Variants in FYN observed in about 807,000 individuals in gnomAD.
FYN encodes the protein tyrosine-protein kinase Fyn.
A neutral mutation model predicts 70.2 loss-of-function variants in FYN; 10 were observed. That is an observed-to-expected ratio of 0.14 (90% CI 0.09 to 0.24). The LOEUF is 0.24. Ranked by LOEUF, FYN falls within the 10% of genes least tolerant of loss-of-function variation. FYN has a pLI of 1.00. For missense variants in FYN, 319 were observed against 673.1 expected (o/e 0.47, Z 5.82); for synonymous variants, 236 against 248.6 (o/e 0.95, Z 0.48).
chr6:111,827,204 C>T (rs1287755473), intron 2 of FYN, among the ~76,000 whole-genome samples: 2 of 152,166 alleles, frequency 1.3e-5, no homozygotes, highest in Non-Finnish European at 2.9e-5. Context: ...GGATCAGTAG[C>T]AGCTTTCATC....
chr6:111,738,035 T>C (rs985049202), intron 3 of FYN, among the ~76,000 whole-genome samples: 4 of 152,182 alleles, frequency 2.6e-5, no homozygotes, highest in African/African-American at 9.7e-5. Flanking sequence ...ACAACACCCA[T>C]CATGAACTGT....
intron 2 of FYN, among the ~76,000 whole-genome samples, chr6:111,807,096 T>TACTC (rs1772173945): frequency 6.6e-6 from 1 of 152,240 alleles, no homozygotes; most frequent in African/African-American, 2.4e-5. Context: ...AGGGACAGAC[T>TACTC]ACTCATTTCA....
intron 3 of FYN, among the ~76,000 whole-genome samples, chr6:111,768,869 C>G (rs965945033): frequency 6.6e-6 from 1 of 152,118 alleles, no homozygotes; most frequent in Non-Finnish European, 1.5e-5. Flanking sequence ...AATACAGCTG[C>G]TAAATGACAT....
At chr6:111,737,868 T>G (rs781359556) in intron 3 of FYN, among the ~76,000 whole-genome samples, 16 of 152,208 alleles carry the variant, frequency 1.1e-4, no homozygotes, top group Non-Finnish European at 1.6e-4. Flanking sequence ...AAATATACAC[T>G]TCACAATATC....
chr6:111,751,378 C>A (rs1393540486), intron 3 of FYN, among the ~76,000 whole-genome samples: 1 of 152,120 alleles, frequency 6.6e-6, no homozygotes, highest in African/African-American at 2.4e-5. Context: ...GGTAGAATGG[C>A]CATTTTGTCC....
intron 12 of FYN, among the ~76,000 whole-genome samples, chr6:111,689,516 GC>G (rs1334344492): frequency 6.6e-6 from 1 of 152,162 alleles, no homozygotes; most frequent in South Asian, 2.1e-4. Context: ...ATTTATAATG[GC>G]CCCAATTTGG....
intron 13 of FYN, among the ~76,000 whole-genome samples, chr6:111,663,655 C>T (rs979883202): frequency 1.3e-5 from 2 of 152,202 alleles, no homozygotes; most frequent in African/African-American, 4.8e-5. Context: ...AAAATAACCT[C>T]ACTCACGTGT....
rs376628346 is a variant in FYN at position 111,717,386 on chromosome 6, C to A, written c.247+2419G>T. Among the ~76,000 whole-genome samples, 156 of 152,194 alleles carry A rather than the reference C, an allele frequency of 1.0e-3. 1 individual carries two copies. Among genetic ancestry groups the A allele is most frequent in the African/African-American group, 3.7e-3 (154 of 41,542 alleles). On this transcript the variant is annotated intron_variant, in intron 4 of 13. Transcript: ENST00000354650. ...GTTGATAACTAATAGTAGTTCCCTG[C>A]AGTCTGCCTTTTCATTCTGGTCTCT...
Position 111,694,294 on chromosome 6 carries a change from G to T in FYN, c.1273+81C>A. 1 of 1,519,230 alleles carries T rather than the reference G, an allele frequency of 6.6e-7. No homozygotes were observed. Among genetic ancestry groups the T allele is most frequent in the Non-Finnish European group, 9.0e-7 (1 of 1,106,818 alleles). 94.1% of individuals were successfully genotyped at this position (1,519,230 alleles called of 1,614,324 possible). A position where few individuals can be genotyped will look rare whatever the true frequency, so the allele number is the denominator to read the frequency against. On this transcript the variant is annotated intron_variant, in intron 12 of 13. Coordinates refer to ENST00000354650, the MANE Select transcript of FYN (RefSeq NM_002037.5). The surrounding 1 kb of genome is among the most constrained non-coding windows in gnomAD (Gnocchi z 5.0). ...TCAAGTATTTTCTGAAGGAAGGGAA[G>T]GGAAGGAGGAAGGAAGGGCTGTGCA...
At chr6:111,770,759 GC>G (rs1420790985) in intron 3 of FYN, among the ~76,000 whole-genome samples, 2 of 152,108 alleles carry the variant, frequency 1.3e-5, no homozygotes, top group African/African-American at 4.8e-5. Flanking sequence ...GTGTGAAGAC[GC>G]CAAACCTAGG....
chr6:111,758,290 A>G (rs893602716), intron 3 of FYN, among the ~76,000 whole-genome samples: 2 of 152,248 alleles, frequency 1.3e-5, no homozygotes, highest in African/African-American at 4.8e-5. Context: ...CATTAAGTCC[A>G]ATTTGAAACC....
chr6:111,762,046 C>T lies in FYN; in HGVS notation c.-12+18520G>A, dbSNP rs564861517. ...TCCGTGAGAAGGAACAGCTTCAACACGTAGGCTGTGTGTATGCAAAATGTT... is the reference window on the plus strand; with the variant it reads ...TCCGTGAGAAGGAACAGCTTCAACATGTAGGCTGTGTGTATGCAAAATGTT... On this transcript the variant is annotated intron_variant, in intron 3 of 13. Transcript: ENST00000354650. Among the ~76,000 whole-genome samples, 548 of 152,226 alleles carry T rather than the reference C, an allele frequency of 3.6e-3. 1 individual carries two copies. The highest frequency in any genetic ancestry group is 0.012 in the African/African-American group (518 of 41,514).
intron 4 of FYN, among the ~76,000 whole-genome samples, chr6:111,715,483 C>CA (rs1800591628): frequency 6.6e-6 from 1 of 152,148 alleles, no homozygotes; most frequent in Non-Finnish European, 1.5e-5. Flanking sequence ...TAACGACTTG[C>CA]TTCTACTCAA....
intron 10 of FYN, 78 bp downstream of exon 10, chr6:111,696,199 G>T: frequency 8.1e-7 from 1 of 1,237,366 alleles, no homozygotes; most frequent in Non-Finnish European, 1.1e-6. Flanking sequence ...AAAGTAGCAA[G>T]TAGGAAACTT....
At chr6:111,854,412 T>C (rs1448160291) in intron 1 of FYN, among the ~76,000 whole-genome samples, 1 of 152,210 alleles carries the variant, frequency 6.6e-6, no homozygotes, top group African/African-American at 2.4e-5. Flanking sequence ...CGGTCTTGAT[T>C]GGCAGTAGGA....
chr6:111,793,837 T>C (rs894570536), intron 2 of FYN: 11 of 152,234 alleles, frequency 7.2e-5, no homozygotes, highest in African/African-American at 2.7e-4. Flanking sequence ...CCTTGGAGCA[T>C]AGAAACCGCG....
intron 1 of FYN, among the ~76,000 whole-genome samples, chr6:111,868,539 ATTGTATTTCTAT>A (rs1774180398): frequency 1.3e-5 from 2 of 152,156 alleles, no homozygotes; most frequent in South Asian, 4.1e-4. Context: ...AGGGATGAAT[ATTGTATTTCTAT>A]TTGGCTATAA....
At chr6:111,857,200 G>C (rs7758079) in intron 1 of FYN, among the ~76,000 whole-genome samples, 6,970 of 152,204 alleles carry the variant, frequency 0.046, 349 homozygotes, top group African/African-American at 0.13. Context: ...TATTCACCCT[G>C]TTACCTTTAC....
chr6:111,867,648 C>T (rs1381927752), intron 1 of FYN, among the ~76,000 whole-genome samples: 1 of 152,024 alleles, frequency 6.6e-6, no homozygotes, highest in Admixed American at 6.6e-5. Context: ...AAATTCTTTT[C>T]TACCTACCCC....
Sources: allele counts gnomAD v4.1 joint callset (sites outside exome capture counted in the v4.1 genomes callset), GRCh38; gene constraint gnomAD v4.1.1; non-coding constraint Gnocchi (gnomAD v3.1); transcripts MANE v1.5; gene names NCBI Gene and HGNC (gene_info 2026-07-23, HGNC 2026-07-21).